The following MICALL2 variants were observed in gnomAD, a reference collection of about 807,000 sequenced individuals.
MICALL2 encodes the protein MICAL-like protein 2.
Under a neutral mutation model 91.1 loss-of-function variants are expected in MICALL2, and 111 were observed. That is an observed-to-expected ratio of 1.22 (90% CI 1.04 to 1.43). The LOEUF (loss-of-function observed/expected upper bound fraction) is 1.43. Among genes scored for constraint, MICALL2 ranks in the 40% most tolerant of loss-of-function variants. The pLI, the probability that MICALL2 is intolerant of heterozygous loss-of-function variation, is 0.00. For missense variants in MICALL2, 1,556 were observed against 1,236.0 expected (o/e 1.26, Z -3.88); for synonymous variants, 694 against 525.3 (o/e 1.32, Z -4.39).
Position 1,437,675 on chromosome 7 carries a change from C to T in MICALL2, c.2403-67G>A, listed in dbSNP as rs1235257433. ...TGTCCCCCGCCTGGCCCGCCCAGCCCGCAACGAGGTCCTGGACCTGCCACA... is the reference window on the plus strand; with the variant it reads ...TGTCCCCCGCCTGGCCCGCCCAGCCTGCAACGAGGTCCTGGACCTGCCACA... On this transcript the variant is annotated intron_variant, in intron 13 of 16. Coordinates refer to ENST00000297508, the MANE Select transcript of MICALL2 (RefSeq NM_182924.4). The T allele has an allele frequency of 2.0e-5, 29 of 1,481,522 alleles. No homozygotes were observed. In the South Asian group the frequency reaches 2.2e-4, roughly 11 times the overall value. The allele number at this position is 1,481,522 out of a possible 1,614,324, so 91.8% of individuals were successfully genotyped here. A position where few individuals can be genotyped will look rare whatever the true frequency, so the allele number is the denominator to read the frequency against.
intron 5 of MICALL2, among the ~76,000 whole-genome samples, chr7:1,446,020 C>T (rs577051371): frequency 2.8e-5 from 4 of 141,144 alleles, no homozygotes; most frequent in Admixed American, 7.1e-5. Context: ...GGCATCTTGA[C>T]GGGGGCACTG....
rs182486568 is a variant in MICALL2 at position 1,439,407 on chromosome 7, T to C, written c.1967-412A>G. 610 of 196,784 alleles carry C rather than the reference T, an allele frequency of 3.1e-3. 2 individuals carry two copies. The highest frequency in any genetic ancestry group is 0.018 in the African/African-American group (566 of 32,020). 12.2% of individuals were successfully genotyped at this position (196,784 alleles called of 1,614,324 possible). On this transcript the variant is annotated intron_variant, in intron 9 of 16. Coordinates refer to ENST00000297508, the MANE Select transcript of MICALL2 (RefSeq NM_182924.4). The stretch of plus-strand genomic sequence containing the variant: ...ACATGCACCACATACATGAACACGG[T>C]TGCACACACATGCATCACACAGATG...
At chr7:1,453,082 G>T (rs1486760440) in intron 1 of MICALL2, among the ~76,000 whole-genome samples, 2 of 151,464 alleles carry the variant, frequency 1.3e-5, no homozygotes, top group African/African-American at 4.9e-5. Context: ...AGAAATCGCC[G>T]CCAGAACCGT....
At chr7:1,441,915 CGCTGCAGGGCTGG>C in intron 7 of MICALL2, 2 of 506,900 alleles carry the variant, frequency 3.9e-6, no homozygotes, top group South Asian at 2.4e-5. Context: ...CTGAGCGGGA[CGCTGCAGGGCTGG>C]GCTGCAGGCA....
chr7:1,439,686 C>T (rs575633353), intron 9 of MICALL2: 62 of 421,350 alleles, frequency 1.5e-4, no homozygotes, highest in Middle Eastern at 5.8e-4. Flanking sequence ...TGTACACATG[C>T]GCACACATGC....
intron 15 of MICALL2, among the ~76,000 whole-genome samples, chr7:1,436,044 C>G (rs1373523721): frequency 2.1e-5 from 3 of 145,788 alleles, no homozygotes; most frequent in Non-Finnish European, 4.5e-5. Context: ...CAGAGCAAGA[C>G]TCTGTCTCAA....
chr7:1,450,927 G>A (rs1279004197), intron 1 of MICALL2, among the ~76,000 whole-genome samples: 5 of 152,294 alleles, frequency 3.3e-5, no homozygotes, highest in South Asian at 4.1e-4. Flanking sequence ...CCGACCTGTG[G>A]AGCAGACACC....
Position 1,448,598 on chromosome 7 carries a change from G to A in MICALL2, c.334+22C>T, listed in dbSNP as rs199731588. 9.1e-4 allele frequency: 1,459 copies of A among 1,611,600 alleles called. 2 individuals are homozygous for A. Among genetic ancestry groups the A allele is most frequent in the Non-Finnish European group, 1.1e-3 (1,326 of 1,179,248 alleles). On this transcript the variant is annotated intron_variant, in intron 3 of 16. Coordinates refer to ENST00000297508, the MANE Select transcript of MICALL2 (RefSeq NM_182924.4). Reference sequence around the variant, plus strand: ...TGGGGGGCCTGGTCCTGCCTGGCTCGGCGGGCGCGGCAGGGACTCACTGGG... The same window carrying A: ...TGGGGGGCCTGGTCCTGCCTGGCTCAGCGGGCGCGGCAGGGACTCACTGGG...
At position 1,445,135 on chromosome 7, in the gene MICALL2, G is replaced by A. The variant is rs775494108; in HGVS notation, c.935C>T (p.Thr312Met). The A allele has an allele frequency of 2.4e-5, 37 of 1,564,066 alleles. No homozygotes were observed. Among genetic ancestry groups the A allele is most frequent in the South Asian group, 1.2e-4 (10 of 85,594 alleles). ...AAPNPAATSA[T>M]SVHVRSPARP... Reference sequence around the variant, plus strand: ...GGCTGGGCTCCTCACGTGGACGGACGTGGCGCTGGTGGCTGCAGGGTTGGG... The same window carrying A: ...GGCTGGGCTCCTCACGTGGACGGACATGGCGCTGGTGGCTGCAGGGTTGGG... The change falls in exon 6 of 17, where the codon ACG becomes ATG. Residue 312 changes from threonine to methionine, a missense_variant. By Grantham distance (81) the Thr-to-Met change is moderately conservative (BLOSUM62 -1). Transcript: ENST00000297508.
chr7:1,444,322 G>A lies in MICALL2; in HGVS notation c.1418+330C>T, dbSNP rs145151646. On this transcript the variant is annotated intron_variant, in intron 6 of 16. Coordinates refer to ENST00000297508, the MANE Select transcript of MICALL2 (RefSeq NM_182924.4). ...GGTCCCGCTCGCGACCTGTCCCCGCGTCCATGAAATGGGCGTAGGACCCTT... is the reference window on the plus strand; with the variant it reads ...GGTCCCGCTCGCGACCTGTCCCCGCATCCATGAAATGGGCGTAGGACCCTT... 6.3e-3 allele frequency among the ~76,000 whole-genome samples: 957 copies of A among 150,794 alleles called. 20 individuals carry two copies. The highest frequency in any genetic ancestry group is 0.025 in the South Asian group (119 of 4,728).
rs529230744 is a variant in MICALL2, at chr7:1,451,753, C to T, written c.144-1465G>A. ...CCGCAGCTCCTGGTGGCGAATCTGA[C>T]GGCCGTAGCTGCAGCAAACAGGAAG... On this transcript the variant is annotated intron_variant, in intron 1 of 16. Transcript: ENST00000297508. This position sits in a 1 kb window ranked among gnomAD's most constrained non-coding sequence, Gnocchi z 4.5. 3.9e-5 allele frequency among the ~76,000 whole-genome samples: 6 copies of T among 152,320 alleles called. No homozygotes were observed. The highest frequency in any genetic ancestry group is 4.1e-4 in the South Asian group (2 of 4,828).
chr7:1,437,851 T>A (rs1780050790), intron 13 of MICALL2, 39 bp downstream of exon 13: 1 of 1,526,520 alleles, frequency 6.6e-7, no homozygotes. Context: ...CGCAACGAGG[T>A]CCTGGCCTTC....
intron 3 of MICALL2, among the ~76,000 whole-genome samples, chr7:1,448,354 G>A (rs889519104): frequency 4.0e-4 from 61 of 152,216 alleles, no homozygotes; most frequent in African/African-American, 1.4e-3. Context: ...AGCAGCGGGG[G>A]CAGCTCTCCT....
At chr7:1,450,438 C>T in intron 1 of MICALL2, 150 bp from the exon 2 acceptor site, 1 of 691,182 alleles carries the variant, frequency 1.4e-6, no homozygotes, top group Non-Finnish European at 2.6e-6. Context: ...CACAGGTGGG[C>T]AGAGGCCAGG....
At position 1,444,903 on chromosome 7, in the gene MICALL2, G is replaced by C; in HGVS notation, c.1167C>G (p.Thr389=). Residue 389 remains threonine, a synonymous_variant, in exon 6 of 17, where the codon ACC becomes ACG. Coordinates refer to ENST00000297508, the MANE Select transcript of MICALL2 (RefSeq NM_182924.4). ...GGAPRVAAPQ[T]TLSSSSTSAA... ...CAGATGTGGAGCTTGAACTGAGTGTGGTTTGAGGAGCTGCCACTCGGGGGG... is the reference window on the plus strand; with the variant it reads ...CAGATGTGGAGCTTGAACTGAGTGTCGTTTGAGGAGCTGCCACTCGGGGGG... 6.4e-7 allele frequency: 1 copy of C among 1,560,848 alleles called. No homozygotes were observed. The highest frequency in any genetic ancestry group is 8.6e-7 in the Non-Finnish European group (1 of 1,157,314).
rs923401180 is a variant in MICALL2 at position 1,441,901 on chromosome 7, C to T, written c.1711+291G>A. On this transcript the variant is annotated intron_variant, in intron 7 of 16. Transcript: ENST00000297508. ...TAGCCACAGGATGTAACTGCCAGACCGAGCTGAGCGGGACGCTGCAGGGCT... is the reference window on the plus strand; with the variant it reads ...TAGCCACAGGATGTAACTGCCAGACTGAGCTGAGCGGGACGCTGCAGGGCT... 51 of 451,344 alleles carry T rather than the reference C, an allele frequency of 1.1e-4. No homozygotes were observed. The East Asian group carries it at 1.5e-3, about 13-fold the overall frequency. 28.0% of individuals were successfully genotyped at this position (451,344 alleles called of 1,614,324 possible).
At chr7:1,444,434 T>C (rs1049282556) in intron 6 of MICALL2, among the ~76,000 whole-genome samples, 6 of 152,152 alleles carry the variant, frequency 3.9e-5, no homozygotes, top group African/African-American at 1.4e-4. Context: ...GACAGCAGCT[T>C]TTCCATAAGG....
In MICALL2 at chr7:1,456,924, T is replaced by C. The variant is rs539105683; in HGVS notation, c.143+2260A>G. Among the ~76,000 whole-genome samples, 59 of 152,320 alleles carry C rather than the reference T, an allele frequency of 3.9e-4. No homozygotes were observed. In the East Asian group the frequency reaches 9.3e-3, roughly 24 times the overall value. On this transcript the variant is annotated intron_variant, in intron 1 of 16. Coordinates refer to ENST00000297508, the MANE Select transcript of MICALL2 (RefSeq NM_182924.4). ...CCCATGGAAGCCTGTACTAGCTTCT[T>C]CCTACTGCCGTAACAAATTGCCACA...
intron 1 of MICALL2, among the ~76,000 whole-genome samples, chr7:1,458,560 C>T (rs1223993242): frequency 6.6e-6 from 1 of 152,258 alleles, no homozygotes; most frequent in Non-Finnish European, 1.5e-5. Context: ...AGCTGCCCAG[C>T]TACACACGCC....
Sources: gnomAD v4.1 joint callset for allele counts (sites outside exome capture counted in the v4.1 genomes callset) on GRCh38, gnomAD v4.1.1 for gene constraint, Gnocchi (gnomAD v3.1) non-coding constraint, MANE v1.5 for transcripts, NCBI Gene and HGNC (gene_info 2026-07-23, HGNC 2026-07-21) for gene names.